NRG3: variants seen among roughly 807,000 people sequenced by gnomAD.
NRG3 encodes the protein pro-neuregulin-3, membrane-bound isoform.
NRG3 carries 31 observed loss-of-function variants against 66.9 expected under a neutral mutation model. The observed-to-expected ratio is 0.46, with a 90% CI of 0.35 to 0.63. The LOEUF (loss-of-function observed/expected upper bound fraction) is 0.63, where lower values mean the gene tolerates loss of function less well. Ranked by LOEUF, NRG3 falls within the 20% of genes least tolerant of loss-of-function variation. The probability of loss-of-function intolerance (pLI) is 0.00; values close to 1 mark genes in which losing one functional copy is unlikely to be tolerated. For synonymous variants in NRG3, 393 were observed against 359.4 expected (o/e 1.09, Z -1.06); for missense variants, 910 against 878.9 (o/e 1.04, Z -0.45).
At chr10:82,340,255 C>T (rs1356610291) in intron 1 of NRG3, among the ~76,000 whole-genome samples, 1 of 152,132 alleles carries the variant, frequency 6.6e-6, no homozygotes, top group African/African-American at 2.4e-5. Context: ...ATGTCTAGTT[C>T]CCACCTCAAC....
chr10:82,236,710 C>CTTTTTTTTTTTTTT (rs370359467), intron 1 of NRG3, among the ~76,000 whole-genome samples: 2 of 93,508 alleles, frequency 2.1e-5, no homozygotes, highest in Non-Finnish European at 3.8e-5. Flanking sequence ...AAAACTAGAA[C>CTTTTTTTTTTTTTT]TTTTTTTTTT....
chr10:82,358,221 TA>T, intron 1 of NRG3, among the ~76,000 whole-genome samples: 1 of 152,276 alleles, frequency 6.6e-6, no homozygotes, highest in Non-Finnish European at 1.5e-5. Context: ...GCATTTTAAT[TA>T]CATAATAAAA....
At chr10:82,937,187 C>G (rs551910960) in intron 4 of NRG3, among the ~76,000 whole-genome samples, 1 of 152,126 alleles carries the variant, frequency 6.6e-6, no homozygotes, top group South Asian at 2.1e-4. Flanking sequence ...ACAATGGGTT[C>G]TATGATATAT....
At chr10:82,373,076 C>G (rs1478222125) in intron 2 of NRG3, among the ~76,000 whole-genome samples, 4 of 152,182 alleles carry the variant, frequency 2.6e-5, no homozygotes, top group Non-Finnish European at 5.9e-5. Flanking sequence ...TTTCTTTTCT[C>G]TAACTGAGCT....
At chr10:82,649,715 A>G (rs1452321476) in intron 2 of NRG3, among the ~76,000 whole-genome samples, 5 of 151,596 alleles carry the variant, frequency 3.3e-5, no homozygotes, top group African/African-American at 4.8e-5. Flanking sequence ...CAGCCTCCCA[A>G]AGTGCTGGGA....
At chr10:82,727,759 A>G (rs898144779) in intron 2 of NRG3, among the ~76,000 whole-genome samples, 2 of 152,084 alleles carry the variant, frequency 1.3e-5, no homozygotes, top group African/African-American at 4.8e-5. Flanking sequence ...AGATCCACCA[A>G]TTGCTTGCAC....
intron 2 of NRG3, among the ~76,000 whole-genome samples, chr10:82,686,929 G>A (rs1472615987): frequency 2.0e-5 from 3 of 152,220 alleles, no homozygotes. Flanking sequence ...GTAAATGTCA[G>A]TGAATAACGG....
At chr10:82,015,010 C>T (rs188657787) in intron 1 of NRG3, among the ~76,000 whole-genome samples, 67 of 152,178 alleles carry the variant, frequency 4.4e-4, no homozygotes, top group African/African-American at 1.3e-3. Flanking sequence ...ACTCCATAAG[C>T]GGGAAATGTA....
chr10:82,611,858 T>C (rs2048338089), intron 2 of NRG3, among the ~76,000 whole-genome samples: 2 of 152,184 alleles, frequency 1.3e-5, no homozygotes, highest in African/African-American at 4.8e-5. Context: ...TCTTCCACCA[T>C]GGTTGAACTA....
chr10:82,500,385 T>C (rs1844055512), intron 2 of NRG3, among the ~76,000 whole-genome samples: 1 of 152,214 alleles, frequency 6.6e-6, no homozygotes, highest in South Asian at 2.1e-4. Context: ...CCCCATTGCA[T>C]ATACTTGGCA....
intron 3 of NRG3, among the ~76,000 whole-genome samples, chr10:82,808,996 G>A (rs1156699820): frequency 1.3e-5 from 2 of 152,188 alleles, no homozygotes; most frequent in Non-Finnish European, 2.9e-5. Context: ...TAGTACTGAA[G>A]GCAAAGAAAT....
chr10:82,008,255 G>A (rs115212805), intron 1 of NRG3, among the ~76,000 whole-genome samples: 1 of 152,274 alleles, frequency 6.6e-6, no homozygotes, highest in African/African-American at 2.4e-5. Context: ...CTAATACATA[G>A]TTTGGAAGGT....
At chr10:82,032,837 T>A (rs746164950) in intron 1 of NRG3, among the ~76,000 whole-genome samples, 2 of 152,086 alleles carry the variant, frequency 1.3e-5, no homozygotes, top group South Asian at 4.1e-4. Flanking sequence ...GCCTAAGTAG[T>A]TTCCAGGGCA....
At chr10:81,935,216 A>G (rs1455915828) in intron 1 of NRG3, among the ~76,000 whole-genome samples, 1 of 152,200 alleles carries the variant, frequency 6.6e-6, no homozygotes, top group Non-Finnish European at 1.5e-5. Context: ...GCTTTAGCCT[A>G]TTTGGCACTA....
chr10:82,361,168 T>C (rs1272461081), intron 2 of NRG3, among the ~76,000 whole-genome samples: 1 of 152,232 alleles, frequency 6.6e-6, no homozygotes, highest in Non-Finnish European at 1.5e-5. Flanking sequence ...TCTCTAATTT[T>C]TGTAACACAC....
rs533720658 is a variant in NRG3 at position 82,201,633 on chromosome 10, G to A, written c.824-157106G>A. Among the ~76,000 whole-genome samples, 56 of 152,054 alleles carry A rather than the reference G, an allele frequency of 3.7e-4. 1 individual carries two copies. In the South Asian group the frequency reaches 0.011, roughly 30 times the overall value. ...AAAAAGTTGTCTTTTTTTTTAGCAGGAAACTGGTAAAGGGGGTATCTTTGC... is the reference window on the plus strand; with the variant it reads ...AAAAAGTTGTCTTTTTTTTTAGCAGAAAACTGGTAAAGGGGGTATCTTTGC... On this transcript the variant is annotated intron_variant, in intron 1 of 8. Coordinates refer to ENST00000372141, the MANE Select transcript of NRG3 (RefSeq NM_001010848.4).
chr10:82,109,941 T>G (rs1307884884), intron 1 of NRG3, among the ~76,000 whole-genome samples: 3 of 152,144 alleles, frequency 2.0e-5, no homozygotes, highest in African/African-American at 7.2e-5. Context: ...TCTTAATCAC[T>G]GTGATTCATT....
At chr10:82,634,202 T>C (rs1483163063) in intron 2 of NRG3, among the ~76,000 whole-genome samples, 2 of 152,096 alleles carry the variant, frequency 1.3e-5, no homozygotes, top group African/African-American at 2.4e-5. Context: ...AGTGGAGTTA[T>C]TTTTTTGAGG....
At chr10:82,270,955 T>C (rs939482117) in intron 1 of NRG3, among the ~76,000 whole-genome samples, 7 of 152,148 alleles carry the variant, frequency 4.6e-5, no homozygotes, top group African/African-American at 1.7e-4. Context: ...TAATTTTCCC[T>C]TCTTCATTCC....
Sources: allele counts gnomAD v4.1 joint callset (sites outside exome capture counted in the v4.1 genomes callset), GRCh38; gene constraint gnomAD v4.1.1; transcripts MANE v1.5; gene names NCBI Gene and HGNC (gene_info 2026-07-23, HGNC 2026-07-21).